The following MTMR3 variants were observed in gnomAD, a reference collection of about 807,000 sequenced individuals.
The protein encoded by MTMR3 is myotubularin related protein 3, also known as phosphatidylinositol-3,5-bisphosphate 3-phosphatase MTMR3.
Under a neutral mutation model 132.4 loss-of-function variants are expected in MTMR3, and 32 were observed. The observed-to-expected ratio is 0.24, with a 90% CI of 0.18 to 0.32. The LOEUF (loss-of-function observed/expected upper bound fraction) is 0.32, where lower values mean the gene tolerates loss of function less well. Ranked by LOEUF, MTMR3 falls within the 10% of genes least tolerant of loss-of-function variation. MTMR3 has a pLI of 1.00. For missense variants in MTMR3, 1,216 were observed against 1,489.6 expected (o/e 0.82, Z 3.02); for synonymous variants, 556 against 550.3 (o/e 1.01, Z -0.14).
chr22:29,967,241 G>GCGCA (rs2066444173), intron 2 of MTMR3, among the ~76,000 whole-genome samples: 3 of 146,460 alleles, frequency 2.0e-5, no homozygotes, highest in South Asian at 2.2e-4. Context: ...GTGCATGCGC[G>GCGCA]CGCGCGCGCA....
At position 29,970,973 on chromosome 22, in the gene MTMR3, CAG is replaced by C; in HGVS notation, c.-84-1_-84del. 2.6e-6 allele frequency: 3 copies of C among 1,147,274 alleles called. No individual in the cohort carries two copies. The highest frequency in any genetic ancestry group is 2.8e-5 in the East Asian group (1 of 35,778). 71.1% of individuals were successfully genotyped at this position (1,147,274 alleles called of 1,614,324 possible). ...TCTTCCCCCTCTTCCCCCCCACCCCCAGACTTCACCATAAGGGAAAGAAGAGA... is the reference window on the plus strand; with the variant it reads ...TCTTCCCCCTCTTCCCCCCCACCCCCACTTCACCATAAGGGAAAGAAGAGA... On this transcript the variant is annotated splice_acceptor_variant, in intron 2 of 19. Transcript: ENST00000401950. LOFTEE classifies it low-confidence loss of function (5UTR_SPLICE).
chr22:29,976,020 T>A (rs1713874386), intron 3 of MTMR3, among the ~76,000 whole-genome samples: 1 of 152,228 alleles, frequency 6.6e-6, no homozygotes, highest in Non-Finnish European at 1.5e-5. Flanking sequence ...GTGAATCTTT[T>A]ATCCACATAT....
rs1395717342 is a variant in MTMR3, at chr22:30,029,050, G to A, written c.*3249G>A. The stretch of plus-strand genomic sequence containing the variant: ...AATGGAAAGCTTCTCTGGGGGTAGG[G>A]AGATGAAGAGCCAAGATGCTGGTGA... On this transcript the variant is annotated 3_prime_UTR_variant, in exon 20 of 20. Transcript: ENST00000401950. 1 of 152,426 alleles carries A rather than the reference G, an allele frequency of 6.6e-6. No homozygotes were observed. Among genetic ancestry groups the A allele is most frequent in the Non-Finnish European group, 1.5e-5 (1 of 68,096 alleles). The allele number at this position is 152,426 out of a possible 1,614,324, so 9.4% of individuals were successfully genotyped here.
chr22:30,011,163 A>C (rs1259222670), intron 12 of MTMR3: 4 of 152,218 alleles, frequency 2.6e-5, no homozygotes, highest in Non-Finnish European at 4.4e-5. Flanking sequence ...CCCCTGACAG[A>C]AATGTTTATT....
intron 8 of MTMR3, chr22:30,000,589 C>T (rs892352156): frequency 2.0e-5 from 3 of 152,148 alleles, no homozygotes; most frequent in Admixed American, 6.5e-5. Flanking sequence ...CTGTTTGTGG[C>T]TAGCCGTCAG....
At chr22:29,895,053 CAAAAA>C (rs1413456055) in intron 1 of MTMR3, among the ~76,000 whole-genome samples, 3 of 152,032 alleles carry the variant, frequency 2.0e-5, no homozygotes, top group Non-Finnish European at 2.9e-5. Context: ...ACTAAAAATA[CAAAAA>C]TTAACGGGGC....
Position 29,988,483 on chromosome 22 carries a change from C to A in MTMR3, c.214C>A (p.Pro72Thr). Residue 72 changes from proline (P) to threonine (T), a missense_variant, in exon 6 of 20, where the codon CCA becomes ACA. Transcript: ENST00000401950. ...IKFKESLVNV[P>T]LQLIESVECR... is the part of the protein sequence containing the mutation. Reference sequence around the variant, plus strand: ...CTTCATTTTTTTAAAATTGCAGGTTCCATTACAGCTTATAGAAAGTGTTGA... The same window carrying A: ...CTTCATTTTTTTAAAATTGCAGGTTACATTACAGCTTATAGAAAGTGTTGA... 1 of 1,610,198 alleles carries A rather than the reference C, an allele frequency of 6.2e-7. No individual in the cohort carries two copies. Among genetic ancestry groups the A allele is most frequent in the South Asian group, 1.1e-5 (1 of 90,636 alleles).
At chr22:30,015,658 A>G (rs2067570735) in intron 14 of MTMR3, 1 of 152,150 alleles carries the variant, frequency 6.6e-6, no homozygotes, top group South Asian at 2.1e-4. Context: ...GAGTTATCCC[A>G]GCATAGAGTC....
intron 1 of MTMR3, among the ~76,000 whole-genome samples, chr22:29,901,995 A>G (rs556114667): frequency 2.4e-4 from 36 of 152,340 alleles, no homozygotes; most frequent in African/African-American, 8.4e-4. Context: ...ATTACAAATA[A>G]AAGTGCCATA....
intron 10 of MTMR3, 100 bp downstream of exon 10, chr22:30,007,419 G>A: frequency 8.5e-7 from 1 of 1,178,220 alleles, no homozygotes; most frequent in Non-Finnish European, 1.2e-6. Context: ...TACTTTTATA[G>A]AAGTGAATGT....
rs576664675 is a variant in MTMR3 at position 29,905,824 on chromosome 22, TTAAA to T, written c.-138+22467_-138+22470del. On this transcript the variant is annotated intron_variant, in intron 1 of 19. Coordinates refer to ENST00000401950, the MANE Select transcript of MTMR3 (RefSeq NM_021090.4). ...ATTTTATGGGGTTTTGGTGCATATT[TTAAA>T]TTTGTGCACTAAACACTTGCAAAAG... Among the ~76,000 whole-genome samples, 77 of 152,364 alleles carry T rather than the reference TTAAA, an allele frequency of 5.1e-4. 1 individual carries two copies. The highest frequency in any genetic ancestry group is 3.4e-3 in the Middle Eastern group (1 of 294).
intron 8 of MTMR3, chr22:30,002,620 G>A: frequency 3.3e-6 from 1 of 302,124 alleles, no homozygotes; most frequent in Non-Finnish European, 6.2e-6. Context: ...GCATCAAGTG[G>A]AACAATTCAA....
At chr22:29,936,175 A>G (rs2065746848) in intron 1 of MTMR3, among the ~76,000 whole-genome samples, 1 of 152,228 alleles carries the variant, frequency 6.6e-6, no homozygotes, top group South Asian at 2.1e-4. Flanking sequence ...GACCAAGATT[A>G]GGCTGAAGAA....
At chr22:29,913,643 AGTT>A (rs2065255145) in intron 1 of MTMR3, among the ~76,000 whole-genome samples, 2 of 151,992 alleles carry the variant, frequency 1.3e-5, no homozygotes, top group Admixed American at 6.5e-5. Context: ...TAAAAGCAGT[AGTT>A]GTTCCATTTA....
At chr22:29,954,212 C>A (rs556911581) in intron 1 of MTMR3, among the ~76,000 whole-genome samples, 1 of 151,568 alleles carries the variant, frequency 6.6e-6, no homozygotes, top group African/African-American at 2.4e-5. Context: ...CTCCCGAGTA[C>A]CTGGGACTAC....
At chr22:29,920,186 C>A (rs1292427665) in intron 1 of MTMR3, among the ~76,000 whole-genome samples, 1 of 151,276 alleles carries the variant, frequency 6.6e-6, no homozygotes, top group Non-Finnish European at 1.5e-5. Flanking sequence ...TGCACTGCAG[C>A]CTGGGCGACA....
chr22:30,030,578 G>A lies in MTMR3; in HGVS notation c.*4777G>A, dbSNP rs1013651677. 2 of 148,640 alleles carry A rather than the reference G, an allele frequency of 1.3e-5. No individual in the cohort carries two copies. The highest frequency in any genetic ancestry group is 3.0e-5 in the Non-Finnish European group (2 of 67,482). The allele number at this position is 148,640 out of a possible 1,614,324, so 9.2% of individuals were successfully genotyped here. Reference sequence around the variant, plus strand: ...GCCAGTGCTATAATCCAGTGTCGTAGGTGCAGGGTATGAATCAGCTCAGCC... The same window carrying A: ...GCCAGTGCTATAATCCAGTGTCGTAAGTGCAGGGTATGAATCAGCTCAGCC... On this transcript the variant is annotated 3_prime_UTR_variant, in exon 20 of 20. Coordinates refer to ENST00000401950, the MANE Select transcript of MTMR3 (RefSeq NM_021090.4).
intron 1 of MTMR3, among the ~76,000 whole-genome samples, chr22:29,937,558 AG>A (rs1392622058): frequency 6.6e-6 from 1 of 152,120 alleles, no homozygotes; most frequent in Non-Finnish European, 1.5e-5. Flanking sequence ...CGGGGACTAT[AG>A]GCTACAGGTG....
intron 5 of MTMR3, chr22:29,988,240 G>A: frequency 3.3e-6 from 1 of 300,628 alleles, no homozygotes; most frequent in Non-Finnish European, 6.2e-6. Flanking sequence ...CAAAGGTGGT[G>A]CCACCTCTTT....
Sources: gnomAD v4.1 joint callset for allele counts (sites outside exome capture counted in the v4.1 genomes callset) on GRCh38, gnomAD v4.1.1 for gene constraint, MANE v1.5 for transcripts, NCBI Gene and HGNC (gene_info 2026-07-23, HGNC 2026-07-21) for gene names.